The following NT5DC1 variants were observed in gnomAD, a reference collection of about 807,000 sequenced individuals.
The protein encoded by NT5DC1 is 5'-nucleotidase domain-containing protein 1.
A neutral mutation model predicts 59.4 loss-of-function variants in NT5DC1; 42 were observed. The ratio of observed to expected loss-of-function variants is 0.71; its 90% CI spans 0.55 to 0.92. NT5DC1 has a LOEUF of 0.92. Among genes scored for constraint, NT5DC1 ranks in the 40% least tolerant of loss-of-function variants. The pLI, the probability that NT5DC1 is intolerant of heterozygous loss-of-function variation, is 0.00. For missense variants in NT5DC1, 501 were observed against 537.1 expected (o/e 0.93, Z 0.66); for synonymous variants, 172 against 188.1 (o/e 0.91, Z 0.70).
chr6:116,235,982 C>A (rs1662254482), intron 8 of NT5DC1, among the ~76,000 whole-genome samples: 1 of 152,152 alleles, frequency 6.6e-6, no homozygotes, highest in Non-Finnish European at 1.5e-5. Flanking sequence ...TGTATTAATT[C>A]TGTATTTGTT....
At chr6:116,197,007 T>C (rs951181753) in intron 6 of NT5DC1, among the ~76,000 whole-genome samples, 1 of 151,728 alleles carries the variant, frequency 6.6e-6, no homozygotes, top group African/African-American at 2.4e-5. Flanking sequence ...GCAGACCTGG[T>C]GTCTGAGGGC....
At chr6:116,107,868 G>A (rs903150864) in intron 2 of NT5DC1, among the ~76,000 whole-genome samples, 19 of 152,136 alleles carry the variant, frequency 1.2e-4, no homozygotes, top group Non-Finnish European at 2.4e-4. Context: ...CACCGCGCCT[G>A]GCCATAGTGG....
intron 8 of NT5DC1, 125 bp downstream of exon 8, chr6:116,223,256 C>A (rs1023565710): frequency 3.6e-6 from 2 of 550,648 alleles, no homozygotes; most frequent in Non-Finnish European, 3.3e-6. Context: ...GATAATAAAC[C>A]TATGTTTGTA....
At chr6:116,193,765 TTAAAAA>T (rs66486427) in intron 6 of NT5DC1, among the ~76,000 whole-genome samples, 78,923 of 151,094 alleles carry the variant, frequency 0.52, 21,077 homozygotes, top group African/African-American at 0.63. Context: ...AATTATACTG[TTAAAAA>T]TAAAAAAAGA....
At chr6:116,125,323 A>G (rs774722396) in intron 6 of NT5DC1, 1 of 1,612,702 alleles carries the variant, frequency 6.2e-7, no homozygotes, top group Non-Finnish European at 8.5e-7. Context: ...AGAACAAAAT[A>G]TACAATTCAA....
chr6:116,192,788 C>T (rs777380231), intron 6 of NT5DC1, among the ~76,000 whole-genome samples: 7 of 151,980 alleles, frequency 4.6e-5, no homozygotes, highest in Non-Finnish European at 7.4e-5. Flanking sequence ...TCCTCTATTA[C>T]GATTTCCTCC....
intron 8 of NT5DC1, among the ~76,000 whole-genome samples, chr6:116,227,635 G>A (rs1353700820): frequency 6.6e-6 from 1 of 151,204 alleles, no homozygotes; most frequent in Non-Finnish European, 1.5e-5. Flanking sequence ...CTTATCTTTT[G>A]TCTTTTTGAT....
chr6:116,131,638 A>T (rs1169750112), intron 6 of NT5DC1, among the ~76,000 whole-genome samples: 1 of 152,176 alleles, frequency 6.6e-6, no homozygotes, highest in East Asian at 1.9e-4. Flanking sequence ...ATAGGTGGAC[A>T]TCTGTGTTAT....
At position 116,246,576 on chromosome 6, in the gene NT5DC1, G is replaced by T. The variant is rs1462198570; in HGVS notation, c.*2552G>T. The T allele has an allele frequency of 6.6e-6, 1 of 151,796 alleles. No individual in the cohort carries two copies. The highest frequency in any genetic ancestry group is 1.5e-5 in the Non-Finnish European group (1 of 67,922). The allele number at this position is 151,796 out of a possible 1,614,324, so 9.4% of individuals were successfully genotyped here. A position where few individuals can be genotyped will look rare whatever the true frequency, so the allele number is the denominator to read the frequency against. ...TCAGCATAAAATGGAAAATCAAACT[G>T]CCTCTCTAGATATAATAACCTTCAC... On this transcript the variant is annotated 3_prime_UTR_variant, in exon 12 of 12. Coordinates refer to ENST00000319550, the MANE Select transcript of NT5DC1 (RefSeq NM_152729.3).
intron 6 of NT5DC1, chr6:116,158,530 A>C (rs1294458786): frequency 6.6e-6 from 1 of 152,208 alleles, no homozygotes; most frequent in Non-Finnish European, 1.5e-5. Flanking sequence ...TTAAATAGTC[A>C]CAGCCAGTAT....
chr6:116,114,532 GGGGA>G (rs144554189), intron 4 of NT5DC1, among the ~76,000 whole-genome samples: 14,887 of 97,958 alleles, frequency 0.15, 1,948 homozygotes, highest in African/African-American at 0.3. Context: ...TGCAAATTGG[GGGGA>G]GGGGGGGGGA....
chr6:116,239,146 AG>A, intron 11 of NT5DC1, 23 bp downstream of exon 11: 1 of 1,556,422 alleles, frequency 6.4e-7, no homozygotes. Context: ...ATACCTATAA[AG>A]CTTCACCTGT....
intron 4 of NT5DC1, among the ~76,000 whole-genome samples, chr6:116,115,313 G>A (rs755059304): frequency 5.3e-5 from 8 of 152,136 alleles, no homozygotes; most frequent in African/African-American, 7.2e-5. Context: ...TGTATAGAGC[G>A]CTTCATGGTA....
chr6:116,107,678 T>G (rs918990577), intron 2 of NT5DC1, among the ~76,000 whole-genome samples: 3 of 151,754 alleles, frequency 2.0e-5, no homozygotes, highest in African/African-American at 7.3e-5. Context: ...GTTCATGCCA[T>G]TCTCCTGCCT....
intron 6 of NT5DC1, chr6:116,121,802 A>G (rs1276767457): frequency 1.2e-6 from 2 of 1,612,218 alleles, no homozygotes; most frequent in Admixed American, 1.7e-5. Context: ...TGGTTTCCCT[A>G]CAGCTGATGG....
Position 116,238,986 on chromosome 6 carries a change from C to T in NT5DC1, c.1115C>T (p.Ser372Phe). The T allele has an allele frequency of 6.2e-7, 1 of 1,605,850 alleles. No individual in the cohort carries two copies. Among genetic ancestry groups the T allele is most frequent in the Non-Finnish European group, 8.5e-7 (1 of 1,172,976 alleles). The change falls in exon 11 of 12, where the codon TCT becomes TTT. Residue 372 changes from serine (S) to phenylalanine (F), a missense_variant. Ser to Phe is a radical substitution (Grantham distance 155). Transcript: ENST00000319550. Reference protein sequence around the residue: ...GPKAKPLNTSSKKWGSFFIDS... With the variant: ...GPKAKPLNTSFKKWGSFFIDS... ...AAAGCAAAACCTTTAAATACTTCAT[C>T]TAAAAAATGGGGCTCTTTTTTTATT...
At position 116,238,364 on chromosome 6, in the gene NT5DC1, A is replaced by G; in HGVS notation, c.1083+16A>G. On this transcript the variant is annotated intron_variant, in intron 10 of 11. Coordinates refer to ENST00000319550, the MANE Select transcript of NT5DC1 (RefSeq NM_152729.3). Reference sequence around the variant, plus strand: ...AAAATATGAGGTAAGGGTTCCCTGCAGCTCTTTCCTTGAAAGACAAATATT... The same window carrying G: ...AAAATATGAGGTAAGGGTTCCCTGCGGCTCTTTCCTTGAAAGACAAATATT... The G allele has an allele frequency of 6.5e-7, 1 of 1,535,588 alleles. No homozygotes were observed. Among genetic ancestry groups the G allele is most frequent in the Non-Finnish European group, 8.7e-7 (1 of 1,144,780 alleles).
At chr6:116,238,401 G>C in intron 10 of NT5DC1, 53 bp downstream of exon 10, 1 of 1,311,558 alleles carries the variant, frequency 7.6e-7, no homozygotes, top group Middle Eastern at 2.5e-4. Flanking sequence ...ATGTTTGAAA[G>C]CTAAAGTATC....
chr6:116,157,230 A>AT (rs1411433046), intron 6 of NT5DC1, among the ~76,000 whole-genome samples: 6 of 152,138 alleles, frequency 3.9e-5, no homozygotes, highest in South Asian at 2.1e-4. Flanking sequence ...AAAAATGAGG[A>AT]TTCCCCCCCA....
Sources: gnomAD v4.1 joint callset for allele counts (sites outside exome capture counted in the v4.1 genomes callset) on GRCh38, gnomAD v4.1.1 for gene constraint, MANE v1.5 for transcripts, NCBI Gene and HGNC (gene_info 2026-07-23, HGNC 2026-07-21) for gene names.